Variants in KITLG observed in about 807,000 individuals in gnomAD.
The protein encoded by KITLG is KIT ligand, also known as c-Kit ligand.
Under a neutral mutation model 34.1 loss-of-function variants are expected in KITLG, and 13 were observed. The ratio of observed to expected loss-of-function variants is 0.38; its 90% CI spans 0.25 to 0.61. KITLG has a LOEUF of 0.61. KITLG is among the 20% of genes least tolerant of loss of function. The pLI, the probability that KITLG is intolerant of heterozygous loss-of-function variation, is 0.60. For missense variants in KITLG, 292 were observed against 318.9 expected, an observed-to-expected ratio of 0.92 and a Z score of 0.64; for synonymous variants, 110 against 104.0, an observed-to-expected ratio of 1.06 and a Z score of -0.35.
At chr12:88,505,317 C>A in intron 8 of KITLG, 82 bp from the exon 9 acceptor site, 1 of 1,124,894 alleles carries the variant, frequency 8.9e-7, no homozygotes, top group Admixed American at 1.8e-5. Context: ...TTGTAAAAGG[C>A]AGCTTTTCTG....
chr12:88,572,296 A>G (rs891011451), intron 1 of KITLG, among the ~76,000 whole-genome samples: 15 of 151,956 alleles, frequency 9.9e-5, no homozygotes, highest in African/African-American at 3.4e-4. Context: ...TTATATAAGG[A>G]TTTGCTAGTA....
At chr12:88,508,365 A>G (rs1869149244) in intron 6 of KITLG, among the ~76,000 whole-genome samples, 1 of 152,204 alleles carries the variant, frequency 6.6e-6, no homozygotes, top group Non-Finnish European at 1.5e-5. Context: ...TGTGTGTATC[A>G]ACATCTTACA....
Position 88,532,512 on chromosome 12 carries a change from A to C in KITLG, c.130-9T>G, listed in dbSNP as rs1285358845. 6.3e-7 allele frequency: 1 copy of C among 1,591,294 alleles called. No individual in the cohort carries two copies. Among genetic ancestry groups the C allele is most frequent in the Non-Finnish European group, 8.6e-7 (1 of 1,165,066 alleles). On this transcript the variant is annotated splice_polypyrimidine_tract_variant and intron_variant, in intron 2 of 9. Coordinates refer to ENST00000644744, the MANE Select transcript of KITLG (RefSeq NM_000899.5). Reference sequence around the variant, plus strand: ...TTTGGAAGATTTGCCACCTACAGAGACAAAAAAAAAAATTCCATAAGAAAA... The same window carrying C: ...TTTGGAAGATTTGCCACCTACAGAGCCAAAAAAAAAAATTCCATAAGAAAA...
intron 1 of KITLG, among the ~76,000 whole-genome samples, chr12:88,547,479 G>A (rs1870757905): frequency 6.6e-6 from 1 of 152,166 alleles, no homozygotes; most frequent in Non-Finnish European, 1.5e-5. Context: ...TGAAGACTAA[G>A]TTGTATAAAT....
chr12:88,558,245 T>TTAAA lies in KITLG; in HGVS notation c.16-12384_16-12381dup, dbSNP rs375710247. On this transcript the variant is annotated intron_variant, in intron 1 of 9. Coordinates refer to ENST00000644744, the MANE Select transcript of KITLG (RefSeq NM_000899.5). ...GACAAGTTTAGTCTCACAAGACCTT[T>TTAAA]TAAATAAATAAATAAATAAATAAAA... 2.6e-3 allele frequency among the ~76,000 whole-genome samples: 397 copies of TTAAA among 152,138 alleles called. 2 individuals carry two copies. The highest frequency in any genetic ancestry group is 0.013 in the South Asian group (65 of 4,828).
At chr12:88,556,871 A>G (rs1038508958) in intron 1 of KITLG, among the ~76,000 whole-genome samples, 3 of 152,236 alleles carry the variant, frequency 2.0e-5, no homozygotes, top group Non-Finnish European at 4.4e-5. Flanking sequence ...GCAATGAATA[A>G]AACAAGCACT....
chr12:88,532,941 C>G (rs1200078580), intron 2 of KITLG, among the ~76,000 whole-genome samples: 1 of 152,104 alleles, frequency 6.6e-6, no homozygotes, highest in Non-Finnish European at 1.5e-5. Context: ...GTCAGAAATG[C>G]ATATTCTCAG....
chr12:88,571,209 A>G (rs547205855), intron 1 of KITLG, among the ~76,000 whole-genome samples: 71 of 152,314 alleles, frequency 4.7e-4, no homozygotes, highest in Non-Finnish European at 7.9e-4. Context: ...GTGATTTACT[A>G]TTCTTTTAGA....
At chr12:88,557,503 G>T (rs2120942886) in intron 1 of KITLG, among the ~76,000 whole-genome samples, 1 of 152,254 alleles carries the variant, frequency 6.6e-6, no homozygotes, top group East Asian at 1.9e-4. Context: ...GGAGATGCGA[G>T]CTAATGACTA....
At chr12:88,535,583 C>T (rs1490339503) in intron 2 of KITLG, among the ~76,000 whole-genome samples, 3 of 152,114 alleles carry the variant, frequency 2.0e-5, no homozygotes, top group East Asian at 1.9e-4. Context: ...CCCATTATTA[C>T]GTCCTTGGTT....
chr12:88,568,850 A>G (rs1324077730), intron 1 of KITLG, among the ~76,000 whole-genome samples: 1 of 152,150 alleles, frequency 6.6e-6, no homozygotes, highest in African/African-American at 2.4e-5. Context: ...GGGAGAGAAA[A>G]AAGAGTGAGG....
Position 88,506,273 on chromosome 12 carries a change from C to G in KITLG, c.782+38G>C. ...TACACAGTGTGTGAAATGGCAATGT[C>G]ATGCTTGATTGGGCACACATTTAGC... On this transcript the variant is annotated intron_variant, in intron 8 of 9. Coordinates refer to ENST00000644744, the MANE Select transcript of KITLG (RefSeq NM_000899.5). 9 of 1,390,014 alleles carry G rather than the reference C, an allele frequency of 6.5e-6. 1 individual carries two copies. In the Admixed American group the frequency reaches 1.5e-4, roughly 23 times the overall value. 86.1% of individuals were successfully genotyped at this position (1,390,014 alleles called of 1,614,324 possible).
intron 5 of KITLG, 127 bp downstream of exon 5, chr12:88,516,207 T>G: frequency 1.3e-6 from 1 of 799,216 alleles, no homozygotes; most frequent in Non-Finnish European, 2.1e-6. Context: ...GCTATTGATA[T>G]CTGCTTTTTT....
At chr12:88,500,526 G>C (rs1408570623) in intron 9 of KITLG, among the ~76,000 whole-genome samples, 1 of 152,198 alleles carries the variant, frequency 6.6e-6, no homozygotes, top group East Asian at 1.9e-4. Context: ...GCACCTGCTA[G>C]AGTTTGTTGG....
At chr12:88,565,346 G>A (rs1871409435) in intron 1 of KITLG, among the ~76,000 whole-genome samples, 1 of 152,112 alleles carries the variant, frequency 6.6e-6, no homozygotes, top group African/African-American at 2.4e-5. Context: ...AAAAATCTCG[G>A]CTGGGCACGG....
At chr12:88,556,861 G>A (rs1871113515) in intron 1 of KITLG, among the ~76,000 whole-genome samples, 1 of 152,114 alleles carries the variant, frequency 6.6e-6, no homozygotes, top group African/African-American at 2.4e-5. Flanking sequence ...AAGGGAGAGG[G>A]CAATGAATAA....
rs573271581 is a variant in KITLG, at chr12:88,527,664, A to G, written c.192+4777T>C. ...ATGGCCTTAAAGTGTCTCTCCCCAA[A>G]TTGTGAATGAGTAAATATACATAAA... is the stretch of plus-strand genomic sequence containing the variant. On this transcript the variant is annotated intron_variant, in intron 3 of 9. Coordinates refer to ENST00000644744, the MANE Select transcript of KITLG (RefSeq NM_000899.5). 2.0e-5 allele frequency among the ~76,000 whole-genome samples: 3 copies of G among 152,304 alleles called. No individual in the cohort carries two copies. In the South Asian group the frequency reaches 6.2e-4, roughly 32 times the overall value.
rs1592593907 is a variant in KITLG at position 88,580,453 on chromosome 12, G to A, written c.-175C>T. The A allele has an allele frequency of 5.2e-6, 4 of 773,696 alleles. No individual in the cohort carries two copies. The East Asian group carries it at 8.2e-5, about 16-fold the overall frequency. The allele number at this position is 773,696 out of a possible 1,614,324, so 47.9% of individuals were successfully genotyped here. ...TTCCCGCAGCGCTTCTAGTCTCGGC[G>A]CGAGGCGGCGAGCGAAGCCCGGCTG... On this transcript the variant is annotated 5_prime_UTR_variant, in exon 1 of 10. Coordinates refer to ENST00000644744, the MANE Select transcript of KITLG (RefSeq NM_000899.5).
At position 88,495,959 on chromosome 12, in the gene KITLG, T is replaced by C. The variant is rs1423007348; in HGVS notation, c.*1260A>G. 1 of 152,148 alleles carries C rather than the reference T, an allele frequency of 6.6e-6. No homozygotes were observed. The highest frequency in any genetic ancestry group is 1.5e-5 in the Non-Finnish European group (1 of 68,020). The allele number at this position is 152,148 out of a possible 1,614,324, so 9.4% of individuals were successfully genotyped here. A position where few individuals can be genotyped will look rare whatever the true frequency, so the allele number is the denominator to read the frequency against. ...CAAGTTCTAGTTTAAAAGCACAATGTCCATCTTGGGAATTCCTGCCAAATT... is the reference window on the plus strand; with the variant it reads ...CAAGTTCTAGTTTAAAAGCACAATGCCCATCTTGGGAATTCCTGCCAAATT... On this transcript the variant is annotated 3_prime_UTR_variant, in exon 10 of 10. Transcript: ENST00000644744.
Sources: gnomAD v4.1 joint callset for allele counts (sites outside exome capture counted in the v4.1 genomes callset) on GRCh38, gnomAD v4.1.1 for gene constraint, MANE v1.5 for transcripts, NCBI Gene and HGNC (gene_info 2026-07-23, HGNC 2026-07-21) for gene names.